Variants in CNPY1 observed in about 807,000 individuals in gnomAD.
The protein encoded by CNPY1 is canopy FGF signaling regulator 1, also known as protein canopy homolog 1.
CNPY1 carries 14 observed loss-of-function variants against 14.4 expected under a neutral mutation model. The ratio of observed to expected loss-of-function variants is 0.97; its 90% CI spans 0.64 to 1.52. The LOEUF is 1.52. Ranked by LOEUF, CNPY1 falls within the 40% of genes most tolerant of loss-of-function variation. CNPY1 has a pLI of 0.00. For missense variants in CNPY1, 129 were observed against 131.5 expected, an observed-to-expected ratio of 0.98 and a Z score of 0.09; for synonymous variants, 43 against 46.5, an observed-to-expected ratio of 0.92 and a Z score of 0.31.
At chr7:155,505,352 T>G (rs1378614214) in intron 4 of CNPY1, among the ~76,000 whole-genome samples, 1 of 152,220 alleles carries the variant, frequency 6.6e-6, no homozygotes. Flanking sequence ...AAATGCCAAT[T>G]AAGAATTATC....
intron 2 of CNPY1, among the ~76,000 whole-genome samples, chr7:155,537,244 T>A (rs1585335019): frequency 1.3e-5 from 2 of 152,034 alleles, no homozygotes; most frequent in South Asian, 4.2e-4. Context: ...GGAAGCTACC[T>A]CCCTTCCAGC....
intron 2 of CNPY1, among the ~76,000 whole-genome samples, chr7:155,539,203 G>A (rs1797057466): frequency 6.6e-6 from 1 of 152,192 alleles, no homozygotes; most frequent in Non-Finnish European, 1.5e-5. Flanking sequence ...CATTGTTTGG[G>A]TATTAATAAT....
In CNPY1 at chr7:155,545,896, G is replaced by A. The variant is rs1797151330; in HGVS notation, c.34C>T (p.Arg12Trp). The A allele has an allele frequency of 5.0e-6, 2 of 398,648 alleles. No homozygotes were observed. The highest frequency in any genetic ancestry group is 8.8e-6 in the Non-Finnish European group (2 of 226,084). 24.7% of individuals were successfully genotyped at this position (398,648 alleles called of 1,614,324 possible). A position where few individuals can be genotyped will look rare whatever the true frequency, so the allele number is the denominator to read the frequency against. ...GATCCCACCTTGGTCTTCTTCTGCC[G>A]AGCCTTGGTGATGTCGTGCTCTATC... The part of the protein sequence containing the change: ...DEIEHDITKA[R>W]QKKTKVGSFR... Residue 12 changes from arginine to tryptophan, a missense_variant, in exon 2 of 5, where the codon CGG becomes TGG. Physicochemically the swap from Arg to Trp is moderately radical, Grantham distance 101 (BLOSUM62 -3). Transcript: ENST00000636446.
chr7:155,526,168 T>C (rs1796814980), intron 2 of CNPY1, among the ~76,000 whole-genome samples: 1 of 152,220 alleles, frequency 6.6e-6, no homozygotes, highest in Non-Finnish European at 1.5e-5. Context: ...TGATATCTTA[T>C]TTTTCCACAA....
chr7:155,516,120 G>A (rs942575917), intron 2 of CNPY1, among the ~76,000 whole-genome samples: 1 of 152,028 alleles, frequency 6.6e-6, no homozygotes, highest in Admixed American at 6.6e-5. Context: ...CTCATTCTGT[G>A]TCCAGGATTC....
At chr7:155,541,461 GAA>G (rs1213453427) in intron 2 of CNPY1, among the ~76,000 whole-genome samples, 1 of 152,174 alleles carries the variant, frequency 6.6e-6, no homozygotes, top group Non-Finnish European at 1.5e-5. Flanking sequence ...TGATAACATT[GAA>G]GACTTCTGAG....
intron 4 of CNPY1, 102 bp downstream of exon 4, chr7:155,506,918 C>T (rs944914003): frequency 2.9e-5 from 20 of 691,248 alleles, no homozygotes; most frequent in African/African-American, 1.1e-4. Context: ...AGCCGTGGAT[C>T]GCAGAGGCAG....
chr7:155,542,219 G>A (rs1797092439), intron 2 of CNPY1, among the ~76,000 whole-genome samples: 1 of 152,066 alleles, frequency 6.6e-6, no homozygotes, highest in Non-Finnish European at 1.5e-5. Flanking sequence ...GAGTCAGGCA[G>A]GCAGGGAAGG....
chr7:155,530,303 T>TG (rs1211633934), intron 2 of CNPY1, among the ~76,000 whole-genome samples: 1 of 145,770 alleles, frequency 6.9e-6, no homozygotes, highest in Non-Finnish European at 1.5e-5. Context: ...GGTCTTTTTT[T>TG]TTTTTTTTTT....
rs1797024901 is a variant in CNPY1 at position 155,536,581 on chromosome 7, G to T, written c.99+9250C>A. On this transcript the variant is annotated intron_variant, in intron 2 of 4. Transcript: ENST00000636446. This position sits in a 1 kb window ranked among gnomAD's most constrained non-coding sequence, Gnocchi z 4.1. ...TCCCAGCCGTGGAACGTAGGCAGAA[G>T]CAAGGCCCCTCCCTGTTAGCCCTGC... Among the ~76,000 whole-genome samples, 1 of 152,188 alleles carries T rather than the reference G, an allele frequency of 6.6e-6. No homozygotes were observed. The highest frequency in any genetic ancestry group is 1.5e-5 in the Non-Finnish European group (1 of 68,040).
At chr7:155,538,056 G>A (rs990179360) in intron 2 of CNPY1, among the ~76,000 whole-genome samples, 2 of 152,160 alleles carry the variant, frequency 1.3e-5, no homozygotes, top group Non-Finnish European at 2.9e-5. Flanking sequence ...CTGTATGTGC[G>A]GGTTAATAAC....
rs182657158 is a variant in CNPY1, at chr7:155,528,788, C to T, written c.99+17043G>A. On this transcript the variant is annotated intron_variant, in intron 2 of 4. Coordinates refer to ENST00000636446, the MANE Select transcript of CNPY1 (RefSeq NM_001393663.1). ...AGAAAAAACAACTTTGGGCTGGGCG[C>T]GGTGGCTCACACCTGTAATCCCAGC... Among the ~76,000 whole-genome samples, 157 of 152,272 alleles carry T rather than the reference C, an allele frequency of 1.0e-3. 1 individual carries two copies. Among genetic ancestry groups the T allele is most frequent in the African/African-American group, 3.5e-3 (147 of 41,552 alleles).
At chr7:155,528,059 G>C (rs568819091) in intron 2 of CNPY1, among the ~76,000 whole-genome samples, 11 of 152,212 alleles carry the variant, frequency 7.2e-5, no homozygotes, top group Non-Finnish European at 1.3e-4. Context: ...CATCGTTGTA[G>C]AGAAGGGACA....
chr7:155,520,428 C>CTTTTTTTTTTTTTT (rs71522007), intron 2 of CNPY1, among the ~76,000 whole-genome samples: 1 of 69,410 alleles, frequency 1.4e-5, no homozygotes, highest in Non-Finnish European at 2.4e-5. Context: ...TTCTTTCTTT[C>CTTTTTTTTTTTTTT]TTTTTTTTTT....
intron 2 of CNPY1, among the ~76,000 whole-genome samples, chr7:155,516,822 T>G (rs1344462837): frequency 6.6e-6 from 1 of 152,134 alleles, no homozygotes; most frequent in Non-Finnish European, 1.5e-5. Flanking sequence ...TTCTGTTCCC[T>G]CCTGGTGACT....
intron 2 of CNPY1, among the ~76,000 whole-genome samples, chr7:155,545,296 A>G (rs549835401): frequency 6.6e-6 from 1 of 151,926 alleles, no homozygotes; most frequent in African/African-American, 2.4e-5. Flanking sequence ...GGTGTCTTAG[A>G]CTCCACCCTT....
intron 2 of CNPY1, among the ~76,000 whole-genome samples, chr7:155,512,342 C>A (rs1234624482): frequency 6.6e-6 from 1 of 152,200 alleles, no homozygotes; most frequent in Non-Finnish European, 1.5e-5. Context: ...CCCAAGCACT[C>A]CAAGTCAATC....
In CNPY1 at chr7:155,507,068, C is replaced by A. The variant is rs373619692; in HGVS notation, c.352G>T (p.Ala118Ser). 6.2e-7 allele frequency: 1 copy of A among 1,612,258 alleles called. No individual in the cohort carries two copies. The highest frequency in any genetic ancestry group is 8.5e-7 in the Non-Finnish European group (1 of 1,178,910). ...TCAGCTAGATAGTGTGTCTCCTGGG[C>A]GATAAGTGAGGATATTTCATCTTCA... ...EYEDEISSLI[A>S]QETHYLADKL... is the part of the protein sequence containing the mutation. Residue 118 changes from alanine to serine, a missense_variant, in exon 4 of 5, where the codon GCC becomes TCC. Physicochemically the swap from Ala to Ser is moderately conservative, Grantham distance 99. Coordinates refer to ENST00000636446, the MANE Select transcript of CNPY1 (RefSeq NM_001393663.1).
intron 2 of CNPY1, among the ~76,000 whole-genome samples, chr7:155,513,674 C>T (rs563609376): frequency 6.6e-6 from 1 of 151,042 alleles, no homozygotes; most frequent in East Asian, 2.0e-4. Context: ...TTCCAGAATT[C>T]ATTTTTCTTT....
Sources: gnomAD v4.1 joint callset for allele counts (sites outside exome capture counted in the v4.1 genomes callset) on GRCh38, gnomAD v4.1.1 for gene constraint, Gnocchi (gnomAD v3.1) non-coding constraint, MANE v1.5 for transcripts, NCBI Gene and HGNC (gene_info 2026-07-23, HGNC 2026-07-21) for gene names.